CIT: variants seen among roughly 807,000 people sequenced by gnomAD.
The protein encoded by CIT is citron rho-interacting serine/threonine kinase.
In CIT, 79 loss-of-function variants were observed where a neutral mutation model predicts 272.7. The observed-to-expected ratio is 0.29, with a 90% CI of 0.24 to 0.35. The LOEUF (loss-of-function observed/expected upper bound fraction) is 0.35. Ranked by LOEUF, CIT falls within the 10% of genes least tolerant of loss-of-function variation. CIT has a pLI of 1.00. For synonymous variants in CIT, 948 were observed against 995.6 expected (o/e 0.95, Z 0.90); for missense variants, 1,909 against 2,618.3 (o/e 0.73, Z 5.91).
chr12:119,761,713 AG>A (rs1961823466), intron 19 of CIT, among the ~76,000 whole-genome samples: 1 of 152,142 alleles, frequency 6.6e-6, no homozygotes, highest in African/African-American at 2.4e-5. Context: ...TGATCCAACT[AG>A]GGGGAGAAAA....
In CIT at chr12:119,718,498, G is replaced by T; in HGVS notation, c.4004-89C>A. ...GAATGTCCCTGGGCTATCTTTCAAG[G>T]ACCCAAGACCAAAAGAATATGCGTC... On this transcript the variant is annotated intron_variant, in intron 31 of 47. Coordinates refer to ENST00000392521, the MANE Select transcript of CIT (RefSeq NM_001206999.2). The surrounding 1 kb of genome is among the most constrained non-coding windows in gnomAD (Gnocchi z 4.8). The T allele has an allele frequency of 2.7e-6, 4 of 1,496,750 alleles. No individual in the cohort carries two copies. Among genetic ancestry groups the T allele is most frequent in the South Asian group, 1.3e-5 (1 of 76,902 alleles). The allele number at this position is 1,496,750 out of a possible 1,614,324, so 92.7% of individuals were successfully genotyped here.
chr12:119,850,360 T>C (rs1188114476), intron 4 of CIT, 85 bp from the exon 5 acceptor site: 2 of 670,100 alleles, frequency 3.0e-6, no homozygotes, highest in East Asian at 6.0e-5. Context: ...ATGCCTAAAC[T>C]GATGTTTCTA....
At chr12:119,732,578 C>G (rs1416553217) in intron 26 of CIT, among the ~76,000 whole-genome samples, 2 of 152,086 alleles carry the variant, frequency 1.3e-5, no homozygotes, top group Admixed American at 6.6e-5. Flanking sequence ...GGAGGATCTA[C>G]AAAAAGGAAC....
chr12:119,794,610 A>G lies in CIT; in HGVS notation c.1295+8596T>C, dbSNP rs562019418. On this transcript the variant is annotated intron_variant, in intron 10 of 47. Transcript: ENST00000392521. Reference sequence around the variant, plus strand: ...ACCAGAAGCCTGGAGAGCATTTTATAGAAAGTGCAGGTTGAAGTGATACAT... The same window carrying G: ...ACCAGAAGCCTGGAGAGCATTTTATGGAAAGTGCAGGTTGAAGTGATACAT... Among the ~76,000 whole-genome samples, 45 of 152,342 alleles carry G rather than the reference A, an allele frequency of 3.0e-4. No individual in the cohort carries two copies. In the South Asian group the frequency reaches 9.1e-3, roughly 31 times the overall value.
At chr12:119,720,897 T>C (rs1011072136) in intron 29 of CIT, among the ~76,000 whole-genome samples, 1 of 152,238 alleles carries the variant, frequency 6.6e-6, no homozygotes, top group Admixed American at 6.5e-5. Flanking sequence ...ATACACACAA[T>C]ATGCAGCACA....
chr12:119,701,957 T>G lies in CIT; in HGVS notation c.5306A>C (p.Glu1769Ala). Residue 1769 changes from glutamate (E) to alanine (A), a missense_variant and splice_region_variant, in exon 42 of 48, where the codon GAG becomes GCG. Around this residue, in one of 8 missense-constraint regions of CIT, gnomAD observed 780 missense variants for 1,067.2 expected, o/e 0.73. Coordinates refer to ENST00000392521, the MANE Select transcript of CIT (RefSeq NM_001206999.2). ...ENLSKYCIRK[E>A]IETSEPCSCI... ...GCTGCAGGGCTCTGAGGTCTCTATC[T>G]CCTGAGACATGAGAGCAGAAGAGAA... is the stretch of plus-strand genomic sequence containing the variant. 12 of 1,606,568 alleles carry G rather than the reference T, an allele frequency of 7.5e-6. No homozygotes were observed. The highest frequency in any genetic ancestry group is 1.0e-5 in the Non-Finnish European group (12 of 1,173,286).
At position 119,747,219 on chromosome 12, in the gene CIT, G is replaced by A. The variant is rs578251497; in HGVS notation, c.2905-4755C>T. On this transcript the variant is annotated intron_variant, in intron 23 of 47. Transcript: ENST00000392521. ...AGGTGGATCACAAGGTCAGGAGTTC[G>A]AGACCAGCCTGACCAACACGGTGAA... is the stretch of plus-strand genomic sequence containing the variant. 4.4e-3 allele frequency among the ~76,000 whole-genome samples: 670 copies of A among 151,968 alleles called. 5 individuals are homozygous for A. The highest frequency in any genetic ancestry group is 0.016 in the African/African-American group (644 of 41,430).
chr12:119,871,715 G>A (rs540199216), intron 2 of CIT, among the ~76,000 whole-genome samples: 1 of 152,260 alleles, frequency 6.6e-6, no homozygotes, highest in East Asian at 1.9e-4. Flanking sequence ...AAATTAGCCA[G>A]GTGTAGTGCC....
intron 13 of CIT, among the ~76,000 whole-genome samples, chr12:119,777,148 G>A (rs1248294086): frequency 1.3e-5 from 2 of 152,016 alleles, no homozygotes; most frequent in African/African-American, 4.8e-5. Flanking sequence ...CCAGCTACTT[G>A]GGAGGCTGAG....
chr12:119,688,313 C>CCTTGCATGATGCAAATGGGAAA, intron 47 of CIT, 58 bp from the exon 48 acceptor site: 1 of 1,534,314 alleles, frequency 6.5e-7, no homozygotes, highest in East Asian at 2.2e-5. Context: ...GCTGTGCTCA[C>CCTTGCATGATGCAAATGGGAAA]CTTGCATGAT....
chr12:119,759,650 A>G (rs993256451), intron 20 of CIT, among the ~76,000 whole-genome samples: 1 of 152,000 alleles, frequency 6.6e-6, no homozygotes, highest in African/African-American at 2.4e-5. Context: ...CGTCTCAAAA[A>G]CAAAACAAAA....
rs1233765465 is a variant in CIT at position 119,825,286 on chromosome 12, G to A, written c.836C>T (p.Thr279Ile). 2 of 1,614,128 alleles carry A rather than the reference G, an allele frequency of 1.2e-6. No individual in the cohort carries two copies. The highest frequency in any genetic ancestry group is 1.7e-5 in the Admixed American group (1 of 60,016). ...CCACCAGTCACAGTCCAGGCCGTAG[G>A]TGCCTTTTCCATCCCCGTTCATCAC... ...LTVMNGDGKG[T>I]YGLDCDWWSV... The change falls in exon 8 of 48, where the codon ACC (threonine) becomes ATC (isoleucine). Residue 279 changes from threonine to isoleucine, a missense_variant. Thr to Ile is a moderately conservative substitution (Grantham distance 89). This residue lies in a region of CIT where 529 missense variants were observed against 549.6 expected (regional missense o/e 0.96). Coordinates refer to ENST00000392521, the MANE Select transcript of CIT (RefSeq NM_001206999.2).
At chr12:119,855,467 C>G (rs1970524789) in intron 4 of CIT, among the ~76,000 whole-genome samples, 1 of 152,048 alleles carries the variant, frequency 6.6e-6, no homozygotes, top group African/African-American at 2.4e-5. Context: ...TCTCTGAAGA[C>G]CCCTTCCAGC....
chr12:119,746,205 G>A (rs553490943), intron 23 of CIT, among the ~76,000 whole-genome samples: 17 of 152,224 alleles, frequency 1.1e-4, no homozygotes, highest in African/African-American at 3.9e-4. Flanking sequence ...TCTTGGTCAG[G>A]AATCGGCAAA....
At chr12:119,716,286 G>A (rs921634711) in intron 32 of CIT, among the ~76,000 whole-genome samples, 4 of 143,684 alleles carry the variant, frequency 2.8e-5, no homozygotes, top group Admixed American at 1.5e-4. Context: ...GCTGAGGCAT[G>A]AGAATCGCTT....
chr12:119,856,378 A>G (rs989656628), intron 4 of CIT, among the ~76,000 whole-genome samples: 29 of 152,202 alleles, frequency 1.9e-4, no homozygotes, highest in African/African-American at 7.0e-4. Flanking sequence ...TGCACTGAAT[A>G]CCACTCAGTT....
intron 2 of CIT, 36 bp from the exon 3 acceptor site, chr12:119,869,237 A>G: frequency 1.3e-6 from 2 of 1,572,292 alleles, no homozygotes; most frequent in South Asian, 2.4e-5. Context: ...GACACTGTCA[A>G]TAATGAAAAG....
intron 10 of CIT, among the ~76,000 whole-genome samples, chr12:119,801,702 C>T (rs1326417701): frequency 6.6e-6 from 1 of 152,220 alleles, no homozygotes; most frequent in East Asian, 1.9e-4. Flanking sequence ...TTCTGCCCTG[C>T]TCTTTGATGC....
chr12:119,713,222 A>G lies in CIT; in HGVS notation c.4560T>C (p.Tyr1520=), dbSNP rs759379722. Residue 1520 remains tyrosine, a synonymous_variant, in exon 35 of 48, where the codon TAT becomes TAC. Coordinates refer to ENST00000392521, the MANE Select transcript of CIT (RefSeq NM_001206999.2). The surrounding 1 kb of genome is among the most constrained non-coding windows in gnomAD (Gnocchi z 5.2). The part of the protein sequence containing the change: ...IVLEGSKVLI[Y]DNEAREAGQR... Reference sequence around the variant, plus strand: ...ATTTACCTTCTCTGGCTTCATTGTCATAAATGAGGACTTTTGATCCCTCCA... The same window carrying G: ...ATTTACCTTCTCTGGCTTCATTGTCGTAAATGAGGACTTTTGATCCCTCCA... 2.5e-6 allele frequency: 4 copies of G among 1,613,888 alleles called. No individual in the cohort carries two copies. Among genetic ancestry groups the G allele is most frequent in the Non-Finnish European group, 3.4e-6 (4 of 1,179,814 alleles).
Sources: allele counts gnomAD v4.1 joint callset (sites outside exome capture counted in the v4.1 genomes callset), GRCh38; gene constraint gnomAD v4.1.1; regional missense constraint gnomAD v4.1.1; non-coding constraint Gnocchi (gnomAD v3.1); transcripts MANE v1.5; gene names NCBI Gene and HGNC (gene_info 2026-07-23, HGNC 2026-07-21).